CROCC: variants seen among roughly 807,000 people sequenced by gnomAD.
CROCC encodes the protein rootletin.
CROCC carries 180 observed loss-of-function variants against 245.2 expected under a neutral mutation model. The observed-to-expected ratio is 0.73, with a 90% CI of 0.65 to 0.83. The LOEUF (loss-of-function observed/expected upper bound fraction) is 0.83, where lower values mean the gene tolerates loss of function less well. Among genes scored for constraint, CROCC ranks in the 40% least tolerant of loss-of-function variants. The pLI is 0.00. For synonymous variants in CROCC, 1,205 were observed against 1,241.6 expected (o/e 0.97, Z 0.62); for missense variants, 2,688 against 2,779.4 (o/e 0.97, Z 0.74).
upstream of CROCC, among the ~76,000 whole-genome samples, chr1:16,919,230 G>A (rs984138418): frequency 6.6e-6 from 1 of 152,280 alleles, no homozygotes; most frequent in African/African-American, 2.4e-5. Context: ...CAGAAGTAGA[G>A]CCTCAAAGCG....
At chr1:16,931,986 C>T (rs549164384) in intron 8 of CROCC, among the ~76,000 whole-genome samples, 2 of 151,838 alleles carry the variant, frequency 1.3e-5, no homozygotes, top group African/African-American at 2.4e-5. Flanking sequence ...AGGATGGTCT[C>T]GAACTCCTGA....
intron 33 of CROCC, 90 bp from the exon 34 acceptor site, chr1:16,970,163 C>A: frequency 7.4e-7 from 1 of 1,356,934 alleles, no homozygotes; most frequent in Non-Finnish European, 9.8e-7. Flanking sequence ...GTCGCCTGCT[C>A]TGTGAGTGGG....
In CROCC at chr1:16,969,261, G is replaced by C; in HGVS notation, c.5222G>C (p.Ser1741Thr). The change falls in exon 32 of 37, where the codon AGC becomes ACC. Residue 1741 changes from serine (S) to threonine (T), a missense_variant. Ser to Thr is a moderately conservative substitution (Grantham distance 58). This residue lies in a region of CROCC where 1,218 missense variants were observed against 1,286.3 expected (regional missense o/e 0.95). Coordinates refer to ENST00000375541, the MANE Select transcript of CROCC (RefSeq NM_014675.5). ...GAGGCCCTGGCCCAGAGCAGTGCCAGCCTCAACAGCACCCGGGACAAGAAC... is the reference window on the plus strand; with the variant it reads ...GAGGCCCTGGCCCAGAGCAGTGCCACCCTCAACAGCACCCGGGACAAGAAC... ...LTEALAQSSA[S>T]LNSTRDKNLH... 1.1e-5 allele frequency: 18 copies of C among 1,613,442 alleles called. No homozygotes were observed. The highest frequency in any genetic ancestry group is 1.5e-5 in the Non-Finnish European group (18 of 1,179,906).
In CROCC at chr1:16,960,771, A is replaced by T. The variant is rs1379420628; in HGVS notation, c.4046A>T (p.Gln1349Leu). 3 of 1,533,872 alleles carry T rather than the reference A, an allele frequency of 2.0e-6. No individual in the cohort carries two copies. In the African/African-American group the frequency reaches 4.2e-5, roughly 22 times the overall value. The change falls in exon 27 of 37, where the codon CAG becomes CTG. Residue 1349 changes from glutamine (Q) to leucine (L), a missense_variant. Around this residue, in one of 9 missense-constraint regions of CROCC, gnomAD observed 1,218 missense variants for 1,286.3 expected, o/e 0.95. Transcript: ENST00000375541. ...GCATCACTCCAGCTCCAGGTAGCCC[A>T]GCGGAAGCTGCAGGAACAAGAAGGC... ...EVMRQELQVA[Q>L]RKLQEQEGEF...
chr1:16,966,321 G>C lies in CROCC; in HGVS notation c.4697-87G>C. ...TGCAGACAGTCTGGCCCTGCACTGG[G>C]TGGAGTGCAGGCTGGACATTTTGTG... is the stretch of plus-strand genomic sequence containing the variant. On this transcript the variant is annotated intron_variant, in intron 29 of 36. Coordinates refer to ENST00000375541, the MANE Select transcript of CROCC (RefSeq NM_014675.5). This position sits in a 1 kb window ranked among gnomAD's most constrained non-coding sequence, Gnocchi z 4.8. The C allele has an allele frequency of 6.9e-7, 1 of 1,442,834 alleles. No individual in the cohort carries two copies. Among genetic ancestry groups the C allele is most frequent in the Non-Finnish European group, 9.2e-7 (1 of 1,088,662 alleles). 89.4% of individuals were successfully genotyped at this position (1,442,834 alleles called of 1,614,324 possible).
intron 19 of CROCC, among the ~76,000 whole-genome samples, chr1:16,949,886 C>T (rs1473352354): frequency 1.3e-5 from 2 of 152,160 alleles, no homozygotes; most frequent in African/African-American, 2.4e-5. Flanking sequence ...TCTCCTGCCT[C>T]AGCCTCCCAA....
intron 3 of CROCC, among the ~76,000 whole-genome samples, chr1:16,924,944 C>T (rs772023990): frequency 4.6e-5 from 7 of 152,260 alleles, no homozygotes; most frequent in Admixed American, 1.3e-4. Context: ...CAAGACCTGC[C>T]GCCACTGCCT....
chr1:16,938,846 GC>G lies in CROCC; in HGVS notation c.1375-60del, dbSNP rs567065140. ...CCCCCAGCCTCACCTGGGCGTCTTT[GC>G]CCAGCTAACCCCGCGGTTCCTAACT... On this transcript the variant is annotated intron_variant, in intron 11 of 36. Transcript: ENST00000375541. 85 of 1,508,216 alleles carry G rather than the reference GC, an allele frequency of 5.6e-5. No individual in the cohort carries two copies. In the African/African-American group the frequency reaches 5.9e-4, roughly 11 times the overall value. The allele number at this position is 1,508,216 out of a possible 1,614,324, so 93.4% of individuals were successfully genotyped here. A position where few individuals can be genotyped will look rare whatever the true frequency, so the allele number is the denominator to read the frequency against.
chr1:16,957,893 C>T (rs1018425427), intron 25 of CROCC, among the ~76,000 whole-genome samples: 6 of 152,224 alleles, frequency 3.9e-5, no homozygotes, highest in Non-Finnish European at 7.3e-5. Context: ...ACAAGACTCC[C>T]GGAAAGGAGC....
Position 16,946,860 on chromosome 1 carries a change from T to G in CROCC, c.2383T>G (p.Leu795Val), listed in dbSNP as rs1302110607. Reference protein sequence around the residue: ...EEQERLEELRLEQEVARQGLE... With the variant: ...EEQERLEELRVEQEVARQGLE... ...GCAGGAACGGCTAGAGGAGCTGCGG[T>G]TGGAGCAGGAGGTGGCGCGGCAGGG... Residue 795 changes from leucine (L) to valine (V), a missense_variant, in exon 17 of 37, where the codon TTG (leucine) becomes GTG (valine). Leu to Val is a conservative substitution (Grantham distance 32). Around this residue, in one of 9 missense-constraint regions of CROCC, gnomAD observed 295 missense variants for 241.7 expected, o/e 1.22. Coordinates refer to ENST00000375541, the MANE Select transcript of CROCC (RefSeq NM_014675.5). The G allele has an allele frequency of 6.4e-7, 1 of 1,556,512 alleles. No individual in the cohort carries two copies. Among genetic ancestry groups the G allele is most frequent in the South Asian group, 1.2e-5 (1 of 84,360 alleles).
chr1:16,930,440 T>C lies in CROCC; in HGVS notation c.695T>C (p.Leu232Pro), dbSNP rs2100362896. 2 of 1,611,812 alleles carry C rather than the reference T, an allele frequency of 1.2e-6. No homozygotes were observed. The highest frequency in any genetic ancestry group is 2.2e-5 in the East Asian group (1 of 44,882). ...LEEEQQRSAS[L>P]AQVNAMLREQ... Reference sequence around the variant, plus strand: ...TGTGCCCCATTCAGGAGTGCCAGCCTGGCCCAGGTGAATGCCATGCTCCGA... The same window carrying C: ...TGTGCCCCATTCAGGAGTGCCAGCCCGGCCCAGGTGAATGCCATGCTCCGA... The change falls in exon 7 of 37, where the codon CTG (leucine) becomes CCG (proline). Residue 232 changes from leucine to proline, a missense_variant. By Grantham distance (98) the Leu-to-Pro change is moderately conservative. Around this residue, in one of 9 missense-constraint regions of CROCC, gnomAD observed 972 missense variants for 895.3 expected, o/e 1.09. Coordinates refer to ENST00000375541, the MANE Select transcript of CROCC (RefSeq NM_014675.5).
chr1:16,919,053 G>T (rs2075349918), upstream of CROCC, among the ~76,000 whole-genome samples: 1 of 152,270 alleles, frequency 6.6e-6, no homozygotes, highest in Admixed American at 6.5e-5. Flanking sequence ...GTTTAGTTTT[G>T]CCCAAATCTG....
At chr1:16,920,415 A>T (rs1383284834), upstream of CROCC, among the ~76,000 whole-genome samples, 1 of 152,000 alleles carries the variant, frequency 6.6e-6, no homozygotes, top group Non-Finnish European at 1.5e-5. Flanking sequence ...CTGGTCTCAA[A>T]CTCCTGACCT....
intron 1 of CROCC, among the ~76,000 whole-genome samples, chr1:16,914,308 T>C (rs1399055076): frequency 6.6e-6 from 1 of 152,156 alleles, no homozygotes; most frequent in African/African-American, 2.4e-5. Flanking sequence ...CCCAACAGGC[T>C]CCGCGGATGC....
chr1:16,924,615 G>A, intron 3 of CROCC, 136 bp downstream of exon 3: 2 of 1,195,336 alleles, frequency 1.7e-6, no homozygotes, highest in Non-Finnish European at 2.3e-6. Context: ...TTGAGGCTCT[G>A]CCACCTTGAG....
At chr1:16,967,632 C>G (rs1456536979) in intron 30 of CROCC, among the ~76,000 whole-genome samples, 1 of 152,038 alleles carries the variant, frequency 6.6e-6, no homozygotes, top group Non-Finnish European at 1.5e-5. Flanking sequence ...GTTGATCCAC[C>G]CTGTCTCTAG....
intron 26 of CROCC, among the ~76,000 whole-genome samples, 159 bp downstream of exon 26, chr1:16,958,909 A>G (rs567826763): frequency 1.3e-4 from 20 of 152,260 alleles, no homozygotes; most frequent in African/African-American, 4.8e-4. Flanking sequence ...CAACAACCCA[A>G]AGAACAGTGG....
chr1:16,924,271 G>A (rs1322930440), intron 2 of CROCC, 54 bp from the exon 3 acceptor site: 8 of 1,589,816 alleles, frequency 5.0e-6, no homozygotes, highest in Middle Eastern at 2.1e-4. Context: ...CTGTTGGGGG[G>A]AGGATGTCCC....
chr1:16,956,060 T>C lies in CROCC; in HGVS notation c.3768T>C (p.Ala1256=). 6.4e-7 allele frequency: 1 copy of C among 1,551,120 alleles called. No homozygotes were observed. Among genetic ancestry groups the C allele is most frequent in the Admixed American group, 2.0e-5 (1 of 50,994 alleles). ...CACTCCTAGAGGAGGCACGGACAGC[T>C]GTGGGCAAGGAGGCCGGGGAGCTGC... ...KLALLEEART[A]VGKEAGELRT... The change falls in exon 25 of 37, where the codon GCT becomes GCC. Residue 1256 remains alanine, a synonymous_variant. Transcript: ENST00000375541.
Sources: allele counts gnomAD v4.1 joint callset (sites outside exome capture counted in the v4.1 genomes callset), GRCh38; gene constraint gnomAD v4.1.1; regional missense constraint gnomAD v4.1.1; non-coding constraint Gnocchi (gnomAD v3.1); transcripts MANE v1.5; gene names NCBI Gene and HGNC (gene_info 2026-07-23, HGNC 2026-07-21).